The following DOT1L variants were observed in gnomAD, a reference collection of about 807,000 sequenced individuals.
DOT1L encodes the protein histone-lysine N-methyltransferase, H3 lysine-79 specific.
DOT1L carries 33 observed loss-of-function variants against 153.3 expected under a neutral mutation model. The observed-to-expected ratio is 0.22, with a 90% CI of 0.16 to 0.29. DOT1L has a LOEUF of 0.29. Among genes scored for constraint, DOT1L ranks in the 10% least tolerant of loss-of-function variants. The pLI is 1.00. For synonymous variants in DOT1L, 1,135 were observed against 965.1 expected, an observed-to-expected ratio of 1.18 and a Z score of -3.26; for missense variants, 1,847 against 2,119.9, an observed-to-expected ratio of 0.87 and a Z score of 2.53.
At chr19:2,227,959 G>C in intron 27 of DOT1L, 1 of 1,191,844 alleles carries the variant, frequency 8.4e-7, no homozygotes. Flanking sequence ...CACCTGGGCC[G>C]GTCCCCCGCG....
Position 2,230,067 on chromosome 19 carries a change from T to C in DOT1L, c.*275T>C, listed in dbSNP as rs1037633402. On this transcript the variant is annotated 3_prime_UTR_variant, in exon 28 of 28. Transcript: ENST00000398665. ...CATCTAAGTGGTAAAAGGCAACTTATTGAGAAATATAAATATCTATATATG... is the reference window on the plus strand; with the variant it reads ...CATCTAAGTGGTAAAAGGCAACTTACTGAGAAATATAAATATCTATATATG... 5.2e-5 allele frequency: 31 copies of C among 601,100 alleles called. No homozygotes were observed. Among genetic ancestry groups the C allele is most frequent in the African/African-American group, 3.0e-4 (16 of 53,884 alleles). 37.2% of individuals were successfully genotyped at this position (601,100 alleles called of 1,614,324 possible).
chr19:2,210,560 C>G, intron 13 of DOT1L, 50 bp downstream of exon 13: 1 of 1,590,942 alleles, frequency 6.3e-7, no homozygotes, highest in South Asian at 1.1e-5. Flanking sequence ...GCCCCCTGCC[C>G]GGGAGACCCC....
intron 1 of DOT1L, among the ~76,000 whole-genome samples, chr19:2,173,239 T>A (rs1046716073): frequency 2.6e-5 from 4 of 152,174 alleles, no homozygotes; most frequent in Non-Finnish European, 4.4e-5. Context: ...CGCGCTTTCC[T>A]CCTTCCCTGT....
chr19:2,216,358 C>T lies in DOT1L; in HGVS notation c.2001C>T (p.Asp667=), dbSNP rs776501955. Residue 667 remains aspartate, a synonymous_variant, in exon 20 of 28, where the codon GAC becomes GAT. Transcript: ENST00000398665. The stretch of plus-strand genomic sequence containing the variant: ...TCAAGTCCTGTGTGCCGCCTGACGA[C>T]GCCCTGTCCCTGCACCTGCGTGGGA... The part of the protein sequence containing the change: ...LQLKSCVPPD[D]ALSLHLRGKG... The T allele has an allele frequency of 2.9e-5, 46 of 1,610,466 alleles. No individual in the cohort carries two copies. The highest frequency in any genetic ancestry group is 1.1e-4 in the African/African-American group (8 of 74,894).
Position 2,197,654 on chromosome 19 carries a change from A to C in DOT1L, c.652-2230A>C, listed in dbSNP as rs556358970. On this transcript the variant is annotated intron_variant, in intron 7 of 27. Coordinates refer to ENST00000398665, the MANE Select transcript of DOT1L (RefSeq NM_032482.3). The surrounding 1 kb of genome is among the most constrained non-coding windows in gnomAD (Gnocchi z 4.1). ...TGCGTTCGTGGTCTGGATTCCGTGC[A>C]GGTTTAGGTGCTCACGGTCAGGCCA... Among the ~76,000 whole-genome samples, 17 of 152,230 alleles carry C rather than the reference A, an allele frequency of 1.1e-4. No homozygotes were observed. In the East Asian group the frequency reaches 2.3e-3, roughly 21 times the overall value.
intron 5 of DOT1L, among the ~76,000 whole-genome samples, chr19:2,192,284 G>A (rs1438855851): frequency 6.6e-6 from 1 of 152,174 alleles, no homozygotes; most frequent in East Asian, 1.9e-4. Context: ...CTTGAGGCTA[G>A]GAGTTCAAGA....
At position 2,207,945 on chromosome 19, in the gene DOT1L, G is replaced by C. The variant is rs2023567851; in HGVS notation, c.963+265G>C. Among the ~76,000 whole-genome samples the C allele has an allele frequency of 6.6e-6, 1 of 152,112 alleles. No homozygotes were observed. The stretch of plus-strand genomic sequence containing the variant: ...CCCCTAGTCTACGCTCAGCTCCTGG[G>C]GTGGGGCGGGGCCATCAGAGTGATG... On this transcript the variant is annotated intron_variant, in intron 11 of 27. Transcript: ENST00000398665. This position sits in a 1 kb window ranked among gnomAD's most constrained non-coding sequence, Gnocchi z 4.5.
chr19:2,184,888 T>G (rs2022419130), intron 2 of DOT1L, among the ~76,000 whole-genome samples: 1 of 152,112 alleles, frequency 6.6e-6, no homozygotes, highest in Admixed American at 6.6e-5. Context: ...TTTTAAGGGA[T>G]AGTGGGGTGT....
chr19:2,206,812 T>C lies in DOT1L; in HGVS notation c.856+15T>C, dbSNP rs758017919. On this transcript the variant is annotated intron_variant, in intron 10 of 27. Transcript: ENST00000398665. Reference sequence around the variant, plus strand: ...AAACTTGAGTGGTAAGAAACTCTCATGTTGTTAATGATGAACACGGGTAAT... The same window carrying C: ...AAACTTGAGTGGTAAGAAACTCTCACGTTGTTAATGATGAACACGGGTAAT... 4.3e-6 allele frequency: 7 copies of C among 1,610,952 alleles called. No homozygotes were observed. The highest frequency in any genetic ancestry group is 1.1e-5 in the South Asian group (1 of 91,008).
intron 22 of DOT1L, among the ~76,000 whole-genome samples, chr19:2,218,699 T>G (rs1200677623): frequency 6.6e-6 from 1 of 150,676 alleles, no homozygotes. Context: ...GGCCTCTTTC[T>G]TTTTTTTTAT....
intron 1 of DOT1L, among the ~76,000 whole-genome samples, chr19:2,166,035 G>A (rs1434433338): frequency 1.3e-5 from 2 of 152,106 alleles, no homozygotes; most frequent in Non-Finnish European, 2.9e-5. Flanking sequence ...CTCCCAAAGT[G>A]CTGGGATTAC....
rs542128589 is a variant in DOT1L at position 2,225,294 on chromosome 19, C to T, written c.3597-94C>T. On this transcript the variant is annotated intron_variant, in intron 25 of 27. Coordinates refer to ENST00000398665, the MANE Select transcript of DOT1L (RefSeq NM_032482.3). ...GGGCCGAGTGCTTCTCGTTCACCAC[C>T]TCCGGAGCTCCCTGGGCTGTTGGCT... is the stretch of plus-strand genomic sequence containing the variant. The T allele has an allele frequency of 2.3e-4, 294 of 1,275,586 alleles. 2 individuals carry two copies. In the Middle Eastern group the frequency reaches 2.8e-3, roughly 12 times the overall value. The allele number at this position is 1,275,586 out of a possible 1,614,324, so 79.0% of individuals were successfully genotyped here. A position where few individuals can be genotyped will look rare whatever the true frequency, so the allele number is the denominator to read the frequency against.
At chr19:2,210,552 C>T (rs1329079446) in intron 13 of DOT1L, 42 bp downstream of exon 13, 1 of 1,589,846 alleles carries the variant, frequency 6.3e-7, no homozygotes, top group South Asian at 1.1e-5. Context: ...GGGCACCCGC[C>T]CCCTGCCCGG....
chr19:2,227,207 T>C (rs760188386), intron 27 of DOT1L, 80 bp downstream of exon 27: 1 of 1,536,948 alleles, frequency 6.5e-7, no homozygotes. Flanking sequence ...CCTTCCGCAC[T>C]CTCTTGCAGC....
intron 17 of DOT1L, 53 bp from the exon 18 acceptor site, chr19:2,213,796 T>TA: frequency 6.2e-7 from 1 of 1,609,574 alleles, no homozygotes; most frequent in Non-Finnish European, 8.5e-7. Context: ...CCTGGGGGCT[T>TA]ACTTCACCTT....
chr19:2,175,682 T>C (rs2021893957), intron 1 of DOT1L, among the ~76,000 whole-genome samples: 1 of 151,972 alleles, frequency 6.6e-6, no homozygotes, highest in Non-Finnish European at 1.5e-5. Flanking sequence ...TACAAAAAAT[T>C]AGCCAGGCGT....
intron 16 of DOT1L, 183 bp downstream of exon 16, chr19:2,212,025 G>A (rs1305257466): frequency 1.0e-5 from 6 of 585,250 alleles, no homozygotes; most frequent in South Asian, 2.2e-5. Context: ...TGAGAGACCC[G>A]GAAAACAGCG....
chr19:2,187,655 G>A (rs942253267), intron 3 of DOT1L, among the ~76,000 whole-genome samples: 38 of 152,270 alleles, frequency 2.5e-4, no homozygotes, highest in African/African-American at 8.9e-4. Context: ...GGGCACCGTG[G>A]CTCACACCTG....
chr19:2,179,368 A>G (rs1457390393), intron 1 of DOT1L, among the ~76,000 whole-genome samples: 1 of 149,958 alleles, frequency 6.7e-6, no homozygotes, highest in Non-Finnish European at 1.5e-5. Flanking sequence ...GCTGCCTGGG[A>G]GAGGCTCGCT....
Sources: gnomAD v4.1 joint callset for allele counts (sites outside exome capture counted in the v4.1 genomes callset) on GRCh38, gnomAD v4.1.1 for gene constraint, Gnocchi (gnomAD v3.1) non-coding constraint, MANE v1.5 for transcripts, NCBI Gene and HGNC (gene_info 2026-07-23, HGNC 2026-07-21) for gene names.